SPTLC1: variants seen among roughly 807,000 people sequenced by gnomAD.
SPTLC1 encodes serine palmitoyltransferase long chain base subunit 1.
A neutral mutation model predicts 68.9 loss-of-function variants in SPTLC1; 55 were observed. The observed-to-expected ratio is 0.80, with a 90% confidence interval of 0.64 to 1.00. The LOEUF is 1.00. Among genes scored for constraint, SPTLC1 ranks in the 50% least tolerant of loss-of-function variants. The probability of loss-of-function intolerance (pLI) is 0.00; values close to 1 mark genes in which losing one functional copy is unlikely to be tolerated. For missense variants in SPTLC1, 449 were observed against 573.1 expected, an observed-to-expected ratio of 0.78 and a Z score of 2.21; for synonymous variants, 197 against 201.6, an observed-to-expected ratio of 0.98 and a Z score of 0.19.
intron 12 of SPTLC1, among the ~76,000 whole-genome samples, chr9:92,043,437 T>C (rs1206965590): frequency 6.6e-6 from 1 of 152,234 alleles, no homozygotes. Context: ...CAGCTGCTGC[T>C]CTGCACTCCA....
intron 8 of SPTLC1, among the ~76,000 whole-genome samples, chr9:92,054,889 C>T (rs192882053): frequency 2.6e-5 from 4 of 150,994 alleles, no homozygotes; most frequent in East Asian, 2.0e-4. Context: ...TCCAGCCTGA[C>T]GACAGGGCAA....
At chr9:92,098,954 T>C (rs1221732326) in intron 3 of SPTLC1, among the ~76,000 whole-genome samples, 1 of 152,118 alleles carries the variant, frequency 6.6e-6, no homozygotes, top group African/African-American at 2.4e-5. Flanking sequence ...AGTTTTATGC[T>C]CCTAGAGGCA....
At chr9:92,112,354 T>C (rs1836278646) in intron 2 of SPTLC1, 101 bp downstream of exon 2, 1 of 795,644 alleles carries the variant, frequency 1.3e-6, no homozygotes, top group Non-Finnish European at 2.1e-6. Context: ...TTACAGAAAA[T>C]GCTTTAACAC....
At chr9:92,065,288 T>A (rs1397422756) in intron 6 of SPTLC1, among the ~76,000 whole-genome samples, 1 of 152,230 alleles carries the variant, frequency 6.6e-6, no homozygotes, top group African/African-American at 2.4e-5. Flanking sequence ...TAACACTGTT[T>A]ACTGAAAGGA....
At chr9:92,100,837 G>GAA (rs796520082) in intron 3 of SPTLC1, among the ~76,000 whole-genome samples, 4 of 120,414 alleles carry the variant, frequency 3.3e-5, no homozygotes, top group Admixed American at 8.5e-5. Context: ...ACTAGCAAAA[G>GAA]AAAAAAAAAA....
At chr9:92,108,575 C>A in intron 3 of SPTLC1, 165 bp downstream of exon 3, 1 of 920,324 alleles carries the variant, frequency 1.1e-6, no homozygotes, top group South Asian at 1.6e-5. Flanking sequence ...CCTGTATCAT[C>A]CCTAGAATAA....
intron 3 of SPTLC1, 33 bp downstream of exon 3, chr9:92,108,707 A>C: frequency 6.3e-7 from 1 of 1,582,308 alleles, no homozygotes; most frequent in Non-Finnish European, 8.6e-7. Flanking sequence ...AAGAAGCCAA[A>C]TACAAGTACT....
intron 1 of SPTLC1, among the ~76,000 whole-genome samples, chr9:92,114,497 A>G (rs1461232047): frequency 6.6e-6 from 1 of 152,202 alleles, no homozygotes; most frequent in Non-Finnish European, 1.5e-5. Context: ...GCACTTTGGG[A>G]GGCCAAGGCG....
chr9:92,103,800 T>A (rs1835849250), intron 3 of SPTLC1, among the ~76,000 whole-genome samples: 1 of 152,176 alleles, frequency 6.6e-6, no homozygotes. Context: ...GTTCTGGCCC[T>A]GTAACCCGGG....
intron 8 of SPTLC1, 146 bp downstream of exon 8, chr9:92,055,256 GTTC>G: frequency 3.3e-6 from 5 of 1,500,978 alleles, no homozygotes; most frequent in African/African-American, 1.4e-5. Flanking sequence ...ATTCAGTGTT[GTTC>G]TTCTTCCCTG....
chr9:92,069,585 T>C (rs1834412139), intron 5 of SPTLC1, among the ~76,000 whole-genome samples: 1 of 152,112 alleles, frequency 6.6e-6, no homozygotes. Flanking sequence ...CAGAAAAGGT[T>C]TCAGGCAAAA....
intron 14 of SPTLC1, among the ~76,000 whole-genome samples, chr9:92,033,443 T>C (rs1833040043): frequency 6.6e-6 from 1 of 152,240 alleles, no homozygotes; most frequent in Non-Finnish European, 1.5e-5. Context: ...ATTTGACACA[T>C]ATTTATTGAG....
intron 5 of SPTLC1, among the ~76,000 whole-genome samples, chr9:92,078,456 ATAT>A (rs1375572166): frequency 1.3e-5 from 2 of 152,124 alleles, no homozygotes; most frequent in African/African-American, 4.8e-5. Context: ...TACTTGGTTT[ATAT>A]TATTATTATT....
At chr9:92,036,172 T>C (rs1428382350) in intron 13 of SPTLC1, among the ~76,000 whole-genome samples, 1 of 152,208 alleles carries the variant, frequency 6.6e-6, no homozygotes, top group Admixed American at 6.5e-5. Context: ...TTCTAGATAG[T>C]ATTCTGTTCC....
In SPTLC1 at chr9:92,059,326, C is replaced by G. The variant is rs1587929511; in HGVS notation, c.561-18G>C. ...CTCTATCTCTGCAAGGAAAAGAGAT[C>G]CACCAAATTGGGTTTAAAGGGTCTT... On this transcript the variant is annotated intron_variant, in intron 6 of 14. Transcript: ENST00000262554. The G allele has an allele frequency of 1.4e-5, 23 of 1,612,762 alleles. No homozygotes were observed. Among genetic ancestry groups the G allele is most frequent in the Non-Finnish European group, 1.9e-5 (23 of 1,179,910 alleles).
intron 3 of SPTLC1, among the ~76,000 whole-genome samples, chr9:92,101,116 A>T (rs909425930): frequency 7.2e-5 from 11 of 152,324 alleles, no homozygotes; most frequent in Non-Finnish European, 1.6e-4. Flanking sequence ...ATAAATGGAA[A>T]TTTTCAAATT....
At chr9:92,107,396 C>A (rs571192499) in intron 3 of SPTLC1, among the ~76,000 whole-genome samples, 1 of 152,282 alleles carries the variant, frequency 6.6e-6, no homozygotes, top group South Asian at 2.1e-4. Flanking sequence ...GGAAAACAAT[C>A]AAATTAGATC....
intron 3 of SPTLC1, among the ~76,000 whole-genome samples, chr9:92,082,151 C>T (rs1228588800): frequency 6.6e-6 from 1 of 152,100 alleles, no homozygotes; most frequent in Middle Eastern, 3.2e-3. Context: ...AGGGAAATTG[C>T]TATTATGAAA....
intron 3 of SPTLC1, among the ~76,000 whole-genome samples, chr9:92,082,369 T>G (rs1834917660): frequency 6.6e-6 from 1 of 150,422 alleles, no homozygotes; most frequent in South Asian, 2.1e-4. Flanking sequence ...TAGGTATATC[T>G]CCTAATGCTA....
Sources: allele counts gnomAD v4.1 joint callset (sites outside exome capture counted in the v4.1 genomes callset), GRCh38; gene constraint gnomAD v4.1.1; transcripts MANE v1.5; gene names NCBI Gene and HGNC (gene_info 2026-07-23, HGNC 2026-07-21).